The following NAGA variants were observed in gnomAD, a reference collection of about 807,000 sequenced individuals.
NAGA encodes the protein Acetylgalactosaminidase, alpha-N- (alpha-galactosidase B).
NAGA carries 42 observed loss-of-function variants against 45.6 expected under a neutral mutation model. That is an observed-to-expected ratio of 0.92 (90% CI 0.72 to 1.19). The LOEUF is 1.19. NAGA is among the 50% of genes most tolerant of loss of function. The pLI, the probability that NAGA is intolerant of heterozygous loss-of-function variation, is 0.00. For synonymous variants in NAGA, 176 were observed against 203.1 expected (o/e 0.87, Z 1.13); for missense variants, 493 against 544.8 (o/e 0.90, Z 0.95).
Position 42,062,905 on chromosome 22 carries a change from G to C in NAGA, c.879C>G (p.Asn293Lys). The stretch of plus-strand genomic sequence containing the variant: ...TGAGTGGATTCTGCAGAATGTCCAT[G>C]TTCTGGGCGGAGATGGTACGCAGGT... ...STDLRTISAQ[N>K]MDILQNPLMI... Residue 293 changes from asparagine to lysine, a missense_variant, in exon 7 of 9, where the codon AAC becomes AAG. By Grantham distance (94) the Asn-to-Lys change is moderately conservative. Coordinates refer to ENST00000396398, the MANE Select transcript of NAGA (RefSeq NM_000262.3). The C allele has an allele frequency of 1.2e-6, 2 of 1,614,190 alleles. No individual in the cohort carries two copies. Among genetic ancestry groups the C allele is most frequent in the Non-Finnish European group, 1.7e-6 (2 of 1,180,038 alleles).
In NAGA at chr22:42,058,350, G is replaced by A. The variant is rs5758566; in HGVS notation, c.*1929C>T. The stretch of plus-strand genomic sequence containing the variant: ...GAAGAGAGATGAAATAATGGTACAC[G>A]TTGATGGTTACTGGAGCTGGATGCT... On this transcript the variant is annotated 3_prime_UTR_variant, in exon 9 of 9. Transcript: ENST00000396398. 0.62 allele frequency: 94,910 copies of A among 151,864 alleles called. 30,224 individuals are homozygous for A. The highest frequency in any genetic ancestry group is 0.85 in the East Asian group (4,394 of 5,170). 9.4% of individuals were successfully genotyped at this position (151,864 alleles called of 1,614,324 possible). A position where few individuals can be genotyped will look rare whatever the true frequency, so the allele number is the denominator to read the frequency against.
At position 42,061,081 on chromosome 22, in the gene NAGA, G is replaced by T; in HGVS notation, c.958-14C>A. On this transcript the variant is annotated splice_polypyrimidine_tract_variant and intron_variant, in intron 7 of 8. Coordinates refer to ENST00000396398, the MANE Select transcript of NAGA (RefSeq NM_000262.3). ...GAGAGATTTTTCCTGGGCACAGAAG[G>T]TGGCTACTGGCTGGGGTCCCTTGCT... 2.5e-6 allele frequency: 4 copies of T among 1,613,696 alleles called. No homozygotes were observed. The highest frequency in any genetic ancestry group is 3.4e-6 in the Non-Finnish European group (4 of 1,179,860).
intron 6 of NAGA, among the ~76,000 whole-genome samples, chr22:42,064,476 T>TA (rs133365): frequency 0.61 from 77,053 of 126,020 alleles, 23,502 homozygotes; most frequent in East Asian, 0.8. Flanking sequence ...CCATCTCTAC[T>TA]AAAAAAAAAA....
At chr22:42,068,647 T>C in intron 1 of NAGA, 73 bp from the exon 2 acceptor site, 1 of 1,590,000 alleles carries the variant, frequency 6.3e-7, no homozygotes, top group Non-Finnish European at 8.6e-7. Flanking sequence ...CCACCCCATC[T>C]GTATGTTGCT....
chr22:42,061,030 G>A lies in NAGA; in HGVS notation c.995C>T (p.Ser332Phe). Residue 332 changes from serine to phenylalanine, a missense_variant, in exon 8 of 9, where the codon TCC becomes TTC. Ser to Phe is a radical substitution (Grantham distance 155). Coordinates refer to ENST00000396398, the MANE Select transcript of NAGA (RefSeq NM_000262.3). ...SLIEVYMRPL[S>F]NKASALVFFS... ...GAAGACTAAGGCGCTAGCCTTGTTG[G>A]ACAGAGGCCGCATGTACACTTCGAT... 1.2e-6 allele frequency: 2 copies of A among 1,614,208 alleles called. No homozygotes were observed. Among genetic ancestry groups the A allele is most frequent in the Non-Finnish European group, 1.7e-6 (2 of 1,180,040 alleles).
chr22:42,066,028 C>A, intron 5 of NAGA, 129 bp from the exon 6 acceptor site: 5 of 1,246,042 alleles, frequency 4.0e-6, no homozygotes, highest in Non-Finnish European at 5.7e-6. Flanking sequence ...ACAGGCCCCA[C>A]CGGCTTGCTC....
intron 3 of NAGA, 30 bp from the exon 4 acceptor site, chr22:42,067,320 A>C: frequency 6.2e-7 from 1 of 1,613,296 alleles, no homozygotes; most frequent in Non-Finnish European, 8.5e-7. Flanking sequence ...CAGTGGGCTC[A>C]AGCAGGACCC....
At chr22:42,060,892 A>C in intron 8 of NAGA, 32 bp downstream of exon 8, 1 of 1,613,986 alleles carries the variant, frequency 6.2e-7, no homozygotes. Context: ...TCTGAAGCCC[A>C]GGCGGGTGGC....
Position 42,065,794 on chromosome 22 carries a change from G to A in NAGA, c.703C>T (p.His235Tyr). ...VLSILNWFVE[H>Y]QDILQPVAGP... Reference sequence around the variant, plus strand: ...GCCACTGGCTGCAGTATGTCCTGGTGCTCCACGAACCAATTCAGGATGGAG... The same window carrying A: ...GCCACTGGCTGCAGTATGTCCTGGTACTCCACGAACCAATTCAGGATGGAG... The change falls in exon 6 of 9, where the codon CAC becomes TAC. Residue 235 changes from histidine to tyrosine, a missense_variant. By Grantham distance (83) the His-to-Tyr change is moderately conservative. Transcript: ENST00000396398. 6.2e-7 allele frequency: 1 copy of A among 1,614,142 alleles called. No homozygotes were observed. Among genetic ancestry groups the A allele is most frequent in the Non-Finnish European group, 8.5e-7 (1 of 1,180,036 alleles).
At chr22:42,066,913 G>T in intron 4 of NAGA, 109 bp from the exon 5 acceptor site, 1 of 1,385,834 alleles carries the variant, frequency 7.2e-7, no homozygotes, top group South Asian at 1.2e-5. Flanking sequence ...CCAAACAGTA[G>T]GTGCCTCCCC....
At position 42,060,380 on chromosome 22, in the gene NAGA, C is replaced by T. The variant is rs148538178; in HGVS notation, c.1135G>A (p.Gly379Ser). 55 of 1,613,510 alleles carry T rather than the reference C, an allele frequency of 3.4e-5. No homozygotes were observed. Among genetic ancestry groups the T allele is most frequent in the Non-Finnish European group, 4.2e-5 (49 of 1,180,018 alleles). The change falls in exon 9 of 9, where the codon GGC becomes AGC. Residue 379 changes from glycine to serine, a missense_variant. Gly to Ser is a moderately conservative substitution (Grantham distance 56). Coordinates refer to ENST00000396398, the MANE Select transcript of NAGA (RefSeq NM_000262.3). ...QDVYSGDIIS[G>S]LRDETNFTVI... ...GTGAAGTTGGTTTCATCTCGGAGGC[C>T]ACTGATGATGTCACCTGAGTAGACG...
chr22:42,062,975 A>C lies in NAGA; in HGVS notation c.809T>G (p.Met270Arg), dbSNP rs1283846358. 2 of 1,614,118 alleles carry C rather than the reference A, an allele frequency of 1.2e-6. No homozygotes were observed. The highest frequency in any genetic ancestry group is 2.7e-5 in the African/African-American group (2 of 74,934). Reference sequence around the variant, plus strand: ...GGCTGCCAGCACCGTCCACAGGGCCATCTGGGCCCGGGATTGCTCTAAGCT... The same window carrying C: ...GGCTGCCAGCACCGTCCACAGGGCCCTCTGGGCCCGGGATTGCTCTAAGCT... The part of the protein sequence containing the change: ...GLSLEQSRAQ[M>R]ALWTVLAAPL... Residue 270 changes from methionine to arginine, a missense_variant, in exon 7 of 9, where the codon ATG (methionine) becomes AGG (arginine). Physicochemically the swap from Met to Arg is moderately conservative, Grantham distance 91 (BLOSUM62 -1). Transcript: ENST00000396398.
In NAGA at chr22:42,067,906, C is replaced by T; in HGVS notation, c.183G>A (p.Arg61=). The change falls in exon 3 of 9, where the codon CGG becomes CGA. Residue 61 remains arginine, a synonymous_variant. Coordinates refer to ENST00000396398, the MANE Select transcript of NAGA (RefSeq NM_000262.3). The part of the protein sequence containing the change: ...SEQLFMEMAD[R]MAQDGWRDMG... ...TGTCCCGCCATCCATCCTGTGCCAT[C>T]CGGTCAGCCATCTCCATGAAGAGCT... 1.2e-6 allele frequency: 2 copies of T among 1,613,738 alleles called. No homozygotes were observed. Among genetic ancestry groups the T allele is most frequent in the Non-Finnish European group, 8.5e-7 (1 of 1,180,014 alleles).
In NAGA at chr22:42,060,391, T is replaced by C. The variant is rs1207265226; in HGVS notation, c.1124A>G (p.Asp375Gly). ...IYEAQDVYSG[D>G]IISGLRDETN... Reference sequence around the variant, plus strand: ...TTCATCTCGGAGGCCACTGATGATGTCACCTGAGTAGACGTCCTGGGCCTG... The same window carrying C: ...TTCATCTCGGAGGCCACTGATGATGCCACCTGAGTAGACGTCCTGGGCCTG... The change falls in exon 9 of 9, where the codon GAC becomes GGC. Residue 375 changes from aspartate to glycine, a missense_variant. Asp to Gly is a moderately conservative substitution (Grantham distance 94, BLOSUM62 -1). Coordinates refer to ENST00000396398, the MANE Select transcript of NAGA (RefSeq NM_000262.3). The C allele has an allele frequency of 6.2e-7, 1 of 1,613,452 alleles. No individual in the cohort carries two copies. The highest frequency in any genetic ancestry group is 1.1e-5 in the South Asian group (1 of 91,026).
At chr22:42,061,905 T>G (rs1427777780) in intron 7 of NAGA, among the ~76,000 whole-genome samples, 1 of 127,692 alleles carries the variant, frequency 7.8e-6, no homozygotes, top group Non-Finnish European at 1.5e-5. Flanking sequence ...TGAGCTGAGA[T>G]GGTGCCACTG....
At position 42,066,722 on chromosome 22, in the gene NAGA, G is replaced by C; in HGVS notation, c.585C>G (p.Gly195=). The part of the protein sequence containing the change: ...FSCSWPAYEG[G]LPPRVNYSLL... ...CAGAATGGCTTACCCTTGGGGGGAG[G>C]CCGCCTTCATAGGCTGGCCAGCTGC... The change falls in exon 5 of 9, where the codon GGC becomes GGG. Residue 195 remains glycine (G), a synonymous_variant. Transcript: ENST00000396398. The C allele has an allele frequency of 1.2e-6, 2 of 1,600,574 alleles. No individual in the cohort carries two copies. Among genetic ancestry groups the C allele is most frequent in the Non-Finnish European group, 8.5e-7 (1 of 1,173,934 alleles).
chr22:42,062,583 A>C (rs372535377), intron 7 of NAGA, among the ~76,000 whole-genome samples: 4 of 152,030 alleles, frequency 2.6e-5, no homozygotes, highest in Non-Finnish European at 5.9e-5. Flanking sequence ...TGTGGCTGAC[A>C]CCTCTCATCC....
At chr22:42,064,388 C>T (rs771658346) in intron 6 of NAGA, among the ~76,000 whole-genome samples, 8 of 150,278 alleles carry the variant, frequency 5.3e-5, no homozygotes, top group Non-Finnish European at 1.2e-4. Context: ...CACCTGTAAT[C>T]CCAGCACTTT....
intron 1 of NAGA, among the ~76,000 whole-genome samples, chr22:42,070,074 C>G (rs1032972835): frequency 2.0e-5 from 3 of 152,220 alleles, no homozygotes; most frequent in Admixed American, 6.5e-5. Flanking sequence ...GGCCTCTGTG[C>G]TTGAGGGAGA....
Sources: allele counts gnomAD v4.1 joint callset (sites outside exome capture counted in the v4.1 genomes callset), GRCh38; gene constraint gnomAD v4.1.1; transcripts MANE v1.5; gene names NCBI Gene and HGNC (gene_info 2026-07-23, HGNC 2026-07-21).